The following CDH12 variants were observed in gnomAD, a reference collection of about 807,000 sequenced individuals.
CDH12 encodes the protein cadherin-12.
In CDH12, 41 loss-of-function variants were observed where a neutral mutation model predicts 74.1. That is an observed-to-expected ratio of 0.55 (90% CI 0.43 to 0.72). The LOEUF (loss-of-function observed/expected upper bound fraction) is 0.72. Among genes scored for constraint, CDH12 ranks in the 30% least tolerant of loss-of-function variants. The pLI is 0.00. For synonymous variants in CDH12, 399 were observed against 355.0 expected, an observed-to-expected ratio of 1.12 and a Z score of -1.39; for missense variants, 945 against 977.2, an observed-to-expected ratio of 0.97 and a Z score of 0.44.
chr5:22,004,389 C>G (rs1481188101), intron 5 of CDH12, among the ~76,000 whole-genome samples: 2 of 152,140 alleles, frequency 1.3e-5, no homozygotes, highest in African/African-American at 4.8e-5. Context: ...ATATTTCACT[C>G]AGTCAAACCT....
chr5:22,580,273 A>G (rs1204284032), intron 1 of CDH12: 1 of 367,902 alleles, frequency 2.7e-6, no homozygotes, highest in African/African-American at 2.1e-5. Flanking sequence ...TCATTCAAAC[A>G]TTGGATGGCA....
Position 22,508,807 on chromosome 5 carries a change from C to T in CDH12, c.-522-3443G>A, listed in dbSNP as rs554336905. Among the ~76,000 whole-genome samples the T allele has an allele frequency of 6.6e-5, 10 of 152,192 alleles. No homozygotes were observed. In the South Asian group the frequency reaches 1.9e-3, roughly 28 times the overall value. ...CTTTCTGGAGCAAACCAATGTATGT[C>T]TTACATGTATTTGATTGATGTCTCA... On this transcript the variant is annotated intron_variant, in intron 1 of 14. Transcript: ENST00000382254.
chr5:22,774,791 T>C (rs1041235371), intron 1 of CDH12, among the ~76,000 whole-genome samples: 8 of 151,866 alleles, frequency 5.3e-5, no homozygotes, highest in Non-Finnish European at 5.9e-5. Flanking sequence ...TAATACAACA[T>C]GAACATAAAG....
intron 8 of CDH12, among the ~76,000 whole-genome samples, chr5:21,835,109 C>A (rs1030470149): frequency 6.6e-6 from 1 of 152,008 alleles, no homozygotes; most frequent in East Asian, 1.9e-4. Flanking sequence ...CTTAACCAGA[C>A]TTTCCAGGAA....
chr5:22,069,735 T>C (rs1172057593), intron 5 of CDH12, among the ~76,000 whole-genome samples: 1 of 152,082 alleles, frequency 6.6e-6, no homozygotes, highest in Non-Finnish European at 1.5e-5. Context: ...CAATGGGAAA[T>C]TGGATTGACA....
intron 1 of CDH12, among the ~76,000 whole-genome samples, chr5:22,610,054 A>T (rs960819887): frequency 6.6e-6 from 1 of 152,254 alleles, no homozygotes; most frequent in East Asian, 1.9e-4. Flanking sequence ...ACAACTGCAA[A>T]CACTCCCTAT....
intron 3 of CDH12, chr5:22,213,582 C>G (rs973364315): frequency 6.6e-6 from 1 of 152,202 alleles, no homozygotes; most frequent in African/African-American, 2.4e-5. Context: ...GTCATCCGCT[C>G]TTTCTGCCAC....
intron 4 of CDH12, among the ~76,000 whole-genome samples, chr5:22,148,698 G>A (rs71609258): frequency 8.5e-5 from 13 of 152,164 alleles, no homozygotes; most frequent in Admixed American, 4.6e-4. Flanking sequence ...TTGTCACTCC[G>A]TGGCATTCCT....
intron 3 of CDH12, among the ~76,000 whole-genome samples, chr5:22,376,069 A>G (rs1741509401): frequency 6.6e-6 from 1 of 152,208 alleles, no homozygotes; most frequent in Non-Finnish European, 1.5e-5. Context: ...TAAATGGATG[A>G]ATGGATAAAG....
intron 3 of CDH12, among the ~76,000 whole-genome samples, chr5:22,363,245 A>C (rs1380320588): frequency 6.6e-6 from 1 of 152,172 alleles, no homozygotes; most frequent in Non-Finnish European, 1.5e-5. Context: ...TGATAATGTC[A>C]TTACAAACTT....
intron 5 of CDH12, among the ~76,000 whole-genome samples, chr5:22,067,875 G>A (rs761638510): frequency 4.6e-5 from 7 of 152,098 alleles, no homozygotes; most frequent in Non-Finnish European, 1.0e-4. Flanking sequence ...CTACTCAGGA[G>A]GCTGAGGCAG....
chr5:22,686,238 T>G (rs1405143825), intron 1 of CDH12, among the ~76,000 whole-genome samples: 1 of 152,148 alleles, frequency 6.6e-6, no homozygotes, highest in Non-Finnish European at 1.5e-5. Flanking sequence ...TTTTTTGTCT[T>G]ATTTCTGAGT....
intron 6 of CDH12, among the ~76,000 whole-genome samples, chr5:21,904,390 A>G (rs1351516154): frequency 6.6e-6 from 1 of 152,194 alleles, no homozygotes; most frequent in Non-Finnish European, 1.5e-5. Context: ...TTATCAAAAT[A>G]TCACCACTGG....
chr5:21,853,340 T>C (rs1266961367), intron 7 of CDH12, among the ~76,000 whole-genome samples: 1 of 151,614 alleles, frequency 6.6e-6, no homozygotes, highest in Non-Finnish European at 1.5e-5. Flanking sequence ...CCATTCTGGA[T>C]TCTCTTCAGT....
intron 1 of CDH12, among the ~76,000 whole-genome samples, chr5:22,776,085 C>T (rs960857874): frequency 1.3e-5 from 2 of 152,124 alleles, no homozygotes; most frequent in Non-Finnish European, 2.9e-5. Flanking sequence ...GCTTTCCAGT[C>T]TCAGGTAGGT....
At chr5:22,572,156 CA>C (rs1042115066) in intron 1 of CDH12, among the ~76,000 whole-genome samples, 2 of 151,328 alleles carry the variant, frequency 1.3e-5, no homozygotes, top group South Asian at 2.1e-4. Flanking sequence ...GGAGCTAACT[CA>C]AAAAAAAGTT....
At chr5:21,979,896 C>T (rs551995555) in intron 5 of CDH12, among the ~76,000 whole-genome samples, 328 of 151,896 alleles carry the variant, frequency 2.2e-3, no homozygotes, top group Non-Finnish European at 3.5e-3. Context: ...AGTTTACAGT[C>T]CCACCAACAG....
chr5:22,261,049 A>G (rs957853261), intron 3 of CDH12, among the ~76,000 whole-genome samples: 1 of 144,216 alleles, frequency 6.9e-6, no homozygotes, highest in Non-Finnish European at 1.5e-5. Flanking sequence ...GACTATATAT[A>G]TATGTGTGTG....
intron 3 of CDH12, among the ~76,000 whole-genome samples, chr5:22,362,475 T>A: frequency 6.6e-6 from 1 of 152,276 alleles, no homozygotes; most frequent in East Asian, 1.9e-4. Flanking sequence ...ACTTTTACAC[T>A]GTTGGTGGGA....
Sources: allele counts gnomAD v4.1 joint callset (sites outside exome capture counted in the v4.1 genomes callset), GRCh38; gene constraint gnomAD v4.1.1; transcripts MANE v1.5; gene names NCBI Gene and HGNC (gene_info 2026-07-23, HGNC 2026-07-21).